Variants in SYTL2 observed in about 807,000 individuals in gnomAD.
SYTL2 encodes synaptotagmin like 2.
Under a neutral mutation model 198.7 loss-of-function variants are expected in SYTL2, and 165 were observed. The observed-to-expected ratio is 0.83, with a 90% CI of 0.73 to 0.94. The LOEUF is 0.94. Among genes scored for constraint, SYTL2 ranks in the 40% least tolerant of loss-of-function variants. The pLI, the probability that SYTL2 is intolerant of heterozygous loss-of-function variation, is 0.00. For synonymous variants in SYTL2, 966 were observed against 917.7 expected (o/e 1.05, Z -0.95); for missense variants, 2,835 against 2,582.8 (o/e 1.10, Z -2.12).
chr11:85,795,419 CGCCCAGTA>C (rs2092789404), intron 1 of SYTL2, among the ~76,000 whole-genome samples: 1 of 152,158 alleles, frequency 6.6e-6, no homozygotes, highest in Non-Finnish European at 1.5e-5. Flanking sequence ...CAGATACTTA[CGCCCAGTA>C]GCCTGAGTTG....
At chr11:85,737,082 T>G (rs892954548) in intron 5 of SYTL2, among the ~76,000 whole-genome samples, 3 of 152,216 alleles carry the variant, frequency 2.0e-5, no homozygotes, top group African/African-American at 7.2e-5. Flanking sequence ...TTGAAGTGCT[T>G]CATAGTCATT....
In SYTL2 at chr11:85,695,023, C is replaced by A; in HGVS notation, c.*172G>T. 1.9e-6 allele frequency: 1 copy of A among 515,848 alleles called. No individual in the cohort carries two copies. Among genetic ancestry groups the A allele is most frequent in the South Asian group, 4.2e-5 (1 of 23,922 alleles). The allele number at this position is 515,848 out of a possible 1,614,324, so 32.0% of individuals were successfully genotyped here. A position where few individuals can be genotyped will look rare whatever the true frequency, so the allele number is the denominator to read the frequency against. On this transcript the variant is annotated 3_prime_UTR_variant, in exon 20 of 20. Transcript: ENST00000359152. ...ATTACACATTTTGTTATATTTAAAT[C>A]CCTTGGGCCTTGTAATCAAAGAAGC...
chr11:85,754,087 T>C (rs1007156123), intron 2 of SYTL2, among the ~76,000 whole-genome samples: 5 of 152,194 alleles, frequency 3.3e-5, no homozygotes, highest in African/African-American at 1.2e-4. Flanking sequence ...TCTAATGATG[T>C]TTTGATTGGG....
At chr11:85,748,203 A>G in intron 3 of SYTL2, 69 bp downstream of exon 3, 3 of 1,510,404 alleles carry the variant, frequency 2.0e-6, no homozygotes, top group Non-Finnish European at 1.8e-6. Context: ...TTCTGACACC[A>G]TTCCCTTCTC....
chr11:85,768,410 C>T (rs1490863785), intron 1 of SYTL2, among the ~76,000 whole-genome samples: 1 of 152,186 alleles, frequency 6.6e-6, no homozygotes, highest in Non-Finnish European at 1.5e-5. Context: ...TAATGACTCT[C>T]GTTTGTTTCT....
intron 2 of SYTL2, among the ~76,000 whole-genome samples, chr11:85,756,286 T>C (rs1017110812): frequency 1.3e-5 from 2 of 152,180 alleles, no homozygotes; most frequent in Non-Finnish European, 2.9e-5. Flanking sequence ...CAGAGCCCCA[T>C]CCAGGTGTGC....
intron 13 of SYTL2, 67 bp from the exon 14 acceptor site, chr11:85,709,567 G>C (rs1452957893): frequency 1.4e-6 from 2 of 1,423,796 alleles, no homozygotes; most frequent in Admixed American, 1.7e-5. Context: ...AAGGATCATG[G>C]ATATAATCCC....
chr11:85,764,433 T>C (rs1390891976), intron 1 of SYTL2, among the ~76,000 whole-genome samples: 4 of 152,240 alleles, frequency 2.6e-5, no homozygotes, highest in Non-Finnish European at 5.9e-5. Flanking sequence ...TGCCTAAGGC[T>C]ACTCAACCAG....
the SYTL2 span, among the ~76,000 whole-genome samples, chr11:85,841,784 T>G: frequency 0.012 from 1,872 of 152,294 alleles, 16 homozygotes; most frequent in Middle Eastern, 0.031. Flanking sequence ...CAAGTTTACC[T>G]ATATAACAAA....
At chr11:85,787,681 TTC>T (rs1030454016) in intron 1 of SYTL2, among the ~76,000 whole-genome samples, 19 of 140,266 alleles carry the variant, frequency 1.4e-4, no homozygotes, top group African/African-American at 4.8e-4. Context: ...TATTTCTTTT[TTC>T]TGTTTTTTTT....
rs185006136 is a variant in SYTL2 at position 85,762,468 on chromosome 11, A to G, written c.-389-4354T>C. 3.9e-5 allele frequency among the ~76,000 whole-genome samples: 6 copies of G among 152,304 alleles called. No homozygotes were observed. In the East Asian group the frequency reaches 1.2e-3, roughly 29 times the overall value. ...ATTTTTCTAAAACTCAGTTCTGACCAAGACACATTCTCAGGCTTAAAATCC... is the reference window on the plus strand; with the variant it reads ...ATTTTTCTAAAACTCAGTTCTGACCGAGACACATTCTCAGGCTTAAAATCC... On this transcript the variant is annotated intron_variant, in intron 1 of 19. Transcript: ENST00000359152.
intron 14 of SYTL2, chr11:85,707,956 C>CAAA (rs11464135): frequency 0.093 from 7,953 of 85,298 alleles, 742 homozygotes; most frequent in Non-Finnish European, 0.12. Flanking sequence ...AGGCTGGTCT[C>CAAA]AAAAAAAAAA....
Position 85,734,708 on chromosome 11 carries a change from G to A in SYTL2, c.621C>T (p.Val207=), listed in dbSNP as rs146208862. The change falls in exon 7 of 20, where the codon GTC becomes GTT. Residue 207 remains valine, a synonymous_variant. Coordinates refer to ENST00000359152, the MANE Select transcript of SYTL2 (RefSeq NM_206927.4). The part of the protein sequence containing the change: ...ELSESKEKST[V]ADTSIQKLEK... The stretch of plus-strand genomic sequence containing the variant: ...CTAACTTTTGGATTGAAGTATCTGC[G>A]ACAGTTGACTTTTCTTTTGACTCTG... The A allele has an allele frequency of 4.7e-4, 761 of 1,613,340 alleles. 1 individual carries two copies. In the East Asian group the frequency reaches 4.8e-3, roughly 10 times the overall value.
the SYTL2 span, among the ~76,000 whole-genome samples, chr11:85,847,493 G>C: frequency 6.6e-6 from 1 of 151,994 alleles, no homozygotes; most frequent in African/African-American, 2.4e-5. Flanking sequence ...ATATCTAAGA[G>C]TGGGTTTGCT....
At position 85,724,872 on chromosome 11, in the gene SYTL2, C is replaced by G. The variant is rs116798528; in HGVS notation, c.4486G>C (p.Glu1496Gln). The G allele has an allele frequency of 1.2e-5, 20 of 1,613,910 alleles. No individual in the cohort carries two copies. The African/African-American group carries it at 2.5e-4, about 20-fold the overall frequency. ...TIVQPKSEFL[E>Q]FSAGLEKLLK... ...AGTTTTTCTAAGCCAGCACTGAATTCGAGGAACTCTGATTTGGGTTGAACA... is the reference window on the plus strand; with the variant it reads ...AGTTTTTCTAAGCCAGCACTGAATTGGAGGAACTCTGATTTGGGTTGAACA... Residue 1496 changes from glutamate to glutamine, a missense_variant, in exon 8 of 20, where the codon GAA becomes CAA. Glu to Gln is a conservative substitution (Grantham distance 29). Transcript: ENST00000359152.
intron 9 of SYTL2, among the ~76,000 whole-genome samples, 193 bp downstream of exon 9, chr11:85,720,660 ATATAT>A (rs1174663598): frequency 6.6e-6 from 1 of 152,160 alleles, no homozygotes; most frequent in Non-Finnish European, 1.5e-5. Flanking sequence ...ACCAAATGTA[ATATAT>A]TATTTTATAA....
At chr11:85,709,725 C>A (rs2085923988) in intron 13 of SYTL2, among the ~76,000 whole-genome samples, 1 of 152,186 alleles carries the variant, frequency 6.6e-6, no homozygotes, top group African/African-American at 2.4e-5. Context: ...CTCTGTTGCC[C>A]AGGATGGAGT....
Position 85,727,250 on chromosome 11 carries a change from T to C in SYTL2, c.2108A>G (p.His703Arg), listed in dbSNP as rs144385104. Residue 703 changes from histidine (H) to arginine (R), a missense_variant, in exon 8 of 20, where the codon CAT (histidine) becomes CGT (arginine). His to Arg is a conservative substitution (Grantham distance 29). This residue lies in a region of SYTL2 where 2,645 missense variants were observed against 2,381.7 expected (regional missense o/e 1.11). Coordinates refer to ENST00000359152, the MANE Select transcript of SYTL2 (RefSeq NM_206927.4). Reference protein sequence around the residue: ...LGEEEPKFHAHEENRGHSEVN... With the variant: ...LGEEEPKFHAREENRGHSEVN... Reference sequence around the variant, plus strand: ...TTCTGAGTGTCCTCTATTTTCTTCATGAGCATGAAACTTGGGTTCTTCTTC... The same window carrying C: ...TTCTGAGTGTCCTCTATTTTCTTCACGAGCATGAAACTTGGGTTCTTCTTC... The C allele has an allele frequency of 6.5e-6, 10 of 1,535,604 alleles. No individual in the cohort carries two copies. The African/African-American group carries it at 1.2e-4, about 19-fold the overall frequency.
Position 85,728,604 on chromosome 11 carries a change from T to C in SYTL2, c.1391-637A>G, listed in dbSNP as rs117269037. Among the ~76,000 whole-genome samples, 132 of 152,288 alleles carry C rather than the reference T, an allele frequency of 8.7e-4. 1 individual carries two copies. In the East Asian group the frequency reaches 0.013, roughly 15 times the overall value. ...CCAGCTCCATGTTACATTTTAAATG[T>C]TAATTTTCTCTTACTTTTAAATCTT... On this transcript the variant is annotated intron_variant, in intron 7 of 19. Coordinates refer to ENST00000359152, the MANE Select transcript of SYTL2 (RefSeq NM_206927.4).
Sources: gnomAD v4.1 joint callset for allele counts (sites outside exome capture counted in the v4.1 genomes callset) on GRCh38, gnomAD v4.1.1 for gene constraint, gnomAD v4.1.1 regional missense constraint, MANE v1.5 for transcripts, NCBI Gene and HGNC (gene_info 2026-07-23, HGNC 2026-07-21) for gene names.